The following TMTC4 variants were observed in gnomAD, a reference collection of about 807,000 sequenced individuals.
TMTC4 encodes the protein transmembrane O-mannosyltransferase targeting cadherins 4, also known as protein O-mannosyl-transferase TMTC4.
Under a neutral mutation model 86.0 loss-of-function variants are expected in TMTC4, and 65 were observed. That is an observed-to-expected ratio of 0.76 (90% CI 0.62 to 0.93). The LOEUF is 0.93. TMTC4 is among the 40% of genes least tolerant of loss of function. TMTC4 has a pLI of 0.00. For synonymous variants in TMTC4, 379 were observed against 382.5 expected (o/e 0.99, Z 0.11); for missense variants, 866 against 948.1 (o/e 0.91, Z 1.14).
intron 12 of TMTC4, 59 bp from the exon 13 acceptor site, chr13:100,626,209 C>T (rs1880504308): frequency 3.3e-6 from 5 of 1,518,274 alleles, no homozygotes; most frequent in Non-Finnish European, 4.6e-6. Flanking sequence ...GAGCCTGGAC[C>T]CCATCACATC....
At chr13:100,634,685 C>A in intron 12 of TMTC4, 120 bp downstream of exon 12, 7 of 1,259,124 alleles carry the variant, frequency 5.6e-6, no homozygotes, top group Admixed American at 2.7e-5. Flanking sequence ...AAGAAAAACC[C>A]AAGTATTCGG....
At position 100,637,543 on chromosome 13, in the gene TMTC4, C is replaced by T. The variant is rs1417624693; in HGVS notation, c.994G>A (p.Val332Met). Residue 332 changes from valine (V) to methionine (M), a missense_variant, in exon 9 of 19, where the codon GTG (valine) becomes ATG (methionine). Val to Met is a conservative substitution (Grantham distance 21). Coordinates refer to ENST00000342624, the MANE Select transcript of TMTC4 (RefSeq NM_032813.5). ...NPASFADSMLVRAVNYNYYYS... is the reference protein window; with the variant it reads ...NPASFADSMLMRAVNYNYYYS... The stretch of plus-strand genomic sequence containing the variant: ...GCGGCAGGCTCAGAACTCACCCTCA[C>T]CAGCATGCTGTCAGCAAAGGAGGCC... 1.9e-6 allele frequency: 3 copies of T among 1,612,692 alleles called. No individual in the cohort carries two copies. The highest frequency in any genetic ancestry group is 2.2e-5 in the East Asian group (1 of 44,856).
At chr13:100,650,524 C>T (rs761147021) in intron 6 of TMTC4, among the ~76,000 whole-genome samples, 5 of 152,254 alleles carry the variant, frequency 3.3e-5, no homozygotes, top group African/African-American at 7.2e-5. Context: ...AAAACTGGCA[C>T]GTCATGTTGT....
At chr13:100,630,538 A>G (rs1881213285) in intron 12 of TMTC4, among the ~76,000 whole-genome samples, 1 of 152,148 alleles carries the variant, frequency 6.6e-6, no homozygotes, top group Admixed American at 6.5e-5. Flanking sequence ...AAATGATTAG[A>G]ATTTGAGCTT....
intron 1 of TMTC4, among the ~76,000 whole-genome samples, chr13:100,672,767 C>A (rs1887289037): frequency 6.6e-6 from 1 of 152,176 alleles, no homozygotes; most frequent in African/African-American, 2.4e-5. Context: ...ATGGGGATTA[C>A]AGGTGTGAAC....
At position 100,623,602 on chromosome 13, in the gene TMTC4, G is replaced by A. The variant is rs1319406403; in HGVS notation, c.1836+1933C>T. Among the ~76,000 whole-genome samples, 7 of 148,154 alleles carry A rather than the reference G, an allele frequency of 4.7e-5. No homozygotes were observed. The South Asian group carries it at 6.4e-4, about 14-fold the overall frequency. ...CCCTAAATGTCAGATGGGGTGGGAC[G>A]GTCTGGATGCATGTCAGTTTTGGAA... On this transcript the variant is annotated intron_variant, in intron 15 of 18. Transcript: ENST00000342624.
At chr13:100,671,719 C>T (rs77687352) in intron 1 of TMTC4, among the ~76,000 whole-genome samples, 1,672 of 152,262 alleles carry the variant, frequency 0.011, 29 homozygotes, top group African/African-American at 0.039. Context: ...CTGTGACTCC[C>T]CTGCTTCTCT....
At chr13:100,643,130 G>A (rs1280677502) in intron 6 of TMTC4, among the ~76,000 whole-genome samples, 1 of 152,136 alleles carries the variant, frequency 6.6e-6, no homozygotes, top group Non-Finnish European at 1.5e-5. Flanking sequence ...AAACTACTAG[G>A]GAGGAGAGGG....
chr13:100,654,528 T>C (rs1228905505), intron 6 of TMTC4, among the ~76,000 whole-genome samples: 1 of 152,086 alleles, frequency 6.6e-6, no homozygotes, highest in Non-Finnish European at 1.5e-5. Flanking sequence ...TTAAAAAGTA[T>C]CTTTTGTATG....
chr13:100,674,168 C>G, intron 1 of TMTC4: 2 of 973,294 alleles, frequency 2.1e-6, no homozygotes, highest in Non-Finnish European at 2.4e-6. Context: ...CTCGGTGGCC[C>G]CGGGCGCCCG....
chr13:100,626,233 C>A (rs1409177924), intron 12 of TMTC4, 83 bp from the exon 13 acceptor site: 9 of 1,413,130 alleles, frequency 6.4e-6, no homozygotes, highest in Non-Finnish European at 9.0e-6. Flanking sequence ...TAACTGAAGA[C>A]AAAAGGTAAA....
chr13:100,647,092 TGA>T (rs1883854801), intron 6 of TMTC4, among the ~76,000 whole-genome samples: 1 of 152,206 alleles, frequency 6.6e-6, no homozygotes. Flanking sequence ...CGCCACGTCA[TGA>T]GAGATGGGTG....
chr13:100,625,971 G>A, intron 13 of TMTC4, 79 bp from the exon 14 acceptor site: 3 of 1,594,738 alleles, frequency 1.9e-6, no homozygotes, highest in South Asian at 1.1e-5. Flanking sequence ...AATCGGTAAA[G>A]ATATTGTAAA....
In TMTC4 at chr13:100,663,186, G is replaced by C; in HGVS notation, c.336-6C>G. 6.2e-7 allele frequency: 1 copy of C among 1,614,046 alleles called. No homozygotes were observed. Among genetic ancestry groups the C allele is most frequent in the Non-Finnish European group, 8.5e-7 (1 of 1,179,922 alleles). On this transcript the variant is annotated splice_region_variant and splice_polypyrimidine_tract_variant and intron_variant, in intron 4 of 18. Coordinates refer to ENST00000342624, the MANE Select transcript of TMTC4 (RefSeq NM_032813.5). ...CCGAGAGGTAGTAGTTAATCCTGCAGAAACACAGGGTGTTCAGGGTACACG... is the reference window on the plus strand; with the variant it reads ...CCGAGAGGTAGTAGTTAATCCTGCACAAACACAGGGTGTTCAGGGTACACG...
chr13:100,636,656 T>A lies in TMTC4; in HGVS notation c.1078A>T (p.Met360Leu), dbSNP rs751523883. The stretch of plus-strand genomic sequence containing the variant: ...GACTTAATGAGGGGGATGCAGCCCA[T>A]TGACCAATCAAAACACAGCCACCAG... Reference protein sequence around the residue: ...CPWWLCFDWSMGCIPLIKSIS... With the variant: ...CPWWLCFDWSLGCIPLIKSIS... The change falls in exon 10 of 19, where the codon ATG becomes TTG. Residue 360 changes from methionine to leucine, a missense_variant. Transcript: ENST00000342624. The A allele has an allele frequency of 1.2e-6, 2 of 1,614,234 alleles. No homozygotes were observed. The highest frequency in any genetic ancestry group is 2.2e-5 in the South Asian group (2 of 91,084).
At chr13:100,639,666 G>A (rs1882759290) in intron 7 of TMTC4, among the ~76,000 whole-genome samples, 3 of 152,178 alleles carry the variant, frequency 2.0e-5, no homozygotes, top group Non-Finnish European at 2.9e-5. Flanking sequence ...GAGGCCTGGC[G>A]TGGTGGCTCA....
chr13:100,606,576 G>C (rs1876634310), intron 17 of TMTC4, 149 bp from the exon 18 acceptor site: 1 of 643,360 alleles, frequency 1.6e-6, no homozygotes, highest in African/African-American at 1.8e-5. Context: ...GCCCAGCGGG[G>C]CCACGCTCTG....
rs1876169974 is a variant in TMTC4, at chr13:100,603,730, T to C, written c.*1264A>G. Among the ~76,000 whole-genome samples, 2 of 152,248 alleles carry C rather than the reference T, an allele frequency of 1.3e-5. No homozygotes were observed. The highest frequency in any genetic ancestry group is 4.1e-4 in the South Asian group (2 of 4,828). On this transcript the variant is annotated 3_prime_UTR_variant, in exon 19 of 19. Coordinates refer to ENST00000342624, the MANE Select transcript of TMTC4 (RefSeq NM_032813.5). ...GCCCCCAACACGTGAGTCCAGAGAA[T>C]CACATTCCTCTCAGTGTGGATCTAC...
At chr13:100,634,730 AT>A in intron 12 of TMTC4, 74 bp downstream of exon 12, 1 of 1,532,062 alleles carries the variant, frequency 6.5e-7, no homozygotes, top group Middle Eastern at 1.8e-4. Flanking sequence ...GCGACAGGAA[AT>A]GTTCTTATTC....
Sources: gnomAD v4.1 joint callset for allele counts (sites outside exome capture counted in the v4.1 genomes callset) on GRCh38, gnomAD v4.1.1 for gene constraint, MANE v1.5 for transcripts, NCBI Gene and HGNC (gene_info 2026-07-23, HGNC 2026-07-21) for gene names.